The following SOS1 variants were observed in gnomAD, a reference collection of about 807,000 sequenced individuals.
SOS1 encodes the protein son of sevenless homolog 1.
In SOS1, 25 loss-of-function variants were observed where a neutral mutation model predicts 157.6. The ratio of observed to expected loss-of-function variants is 0.16; its 90% CI spans 0.12 to 0.22. The LOEUF (loss-of-function observed/expected upper bound fraction) is 0.22. SOS1 is among the 10% of genes least tolerant of loss of function. The pLI is 1.00. For synonymous variants in SOS1, 528 were observed against 534.0 expected (o/e 0.99, Z 0.16); for missense variants, 1,237 against 1,599.1 (o/e 0.77, Z 3.86).
intron 8 of SOS1, among the ~76,000 whole-genome samples, chr2:39,034,231 AATGACT>A (rs1670265223): frequency 6.6e-6 from 1 of 152,218 alleles, no homozygotes; most frequent in Admixed American, 6.5e-5. Flanking sequence ...CTGAATTCCA[AATGACT>A]ACTATGCAGT....
chr2:39,099,403 TA>T (rs1175079637), intron 1 of SOS1, among the ~76,000 whole-genome samples: 1 of 152,138 alleles, frequency 6.6e-6, no homozygotes, highest in Admixed American at 6.5e-5. Flanking sequence ...GACAAATCCA[TA>T]AAGACAGAAA....
At chr2:39,038,287 A>G (rs11692687) in intron 6 of SOS1, among the ~76,000 whole-genome samples, 142,355 of 152,266 alleles carry the variant, frequency 0.93, 66,654 homozygotes, top group African/African-American at 0.97. Flanking sequence ...TGGCTTTGAA[A>G]AGTTCAAGAC....
intron 5 of SOS1, among the ~76,000 whole-genome samples, chr2:39,052,264 T>G (rs770344431): frequency 2.0e-5 from 3 of 151,726 alleles, no homozygotes; most frequent in Non-Finnish European, 4.4e-5. Context: ...AAATTAAAAT[T>G]GGTTACTATT....
intron 2 of SOS1, among the ~76,000 whole-genome samples, chr2:39,064,904 T>C (rs1366728546): frequency 6.6e-6 from 1 of 151,396 alleles, no homozygotes; most frequent in Non-Finnish European, 1.5e-5. Context: ...CCTGCCACCA[T>C]GCCCAGCTAA....
chr2:39,076,416 G>C (rs972860655), intron 1 of SOS1, among the ~76,000 whole-genome samples: 1 of 151,748 alleles, frequency 6.6e-6, no homozygotes, highest in East Asian at 1.9e-4. Context: ...AAAAAATAAG[G>C]GTAGCAAACC....
intron 17 of SOS1, among the ~76,000 whole-genome samples, chr2:39,002,880 C>G (rs901085508): frequency 3.9e-5 from 6 of 151,926 alleles, no homozygotes; most frequent in Non-Finnish European, 5.9e-5. Flanking sequence ...GCCTGGGCAA[C>G]CTGGTGAAAC....
At chr2:39,014,472 T>TA (rs1179004459) in intron 11 of SOS1, among the ~76,000 whole-genome samples, 1 of 152,124 alleles carries the variant, frequency 6.6e-6, no homozygotes, top group Non-Finnish European at 1.5e-5. Context: ...TTAGAACATC[T>TA]AACTCATCAG....
intron 5 of SOS1, among the ~76,000 whole-genome samples, chr2:39,053,036 C>A (rs1171193290): frequency 6.6e-6 from 1 of 152,218 alleles, no homozygotes; most frequent in East Asian, 1.9e-4. Context: ...ACCTGTAATC[C>A]CAGCTACACG....
Position 39,024,057 on chromosome 2 carries a change from A to G in SOS1, c.1155T>C (p.Ser385=), listed in dbSNP as rs771128004. 1 of 1,601,096 alleles carries G rather than the reference A, an allele frequency of 6.2e-7. No individual in the cohort carries two copies. The highest frequency in any genetic ancestry group is 1.1e-5 in the South Asian group (1 of 90,828). ...TTTTAGAACATATTTTTTCCATACC[A>G]CTCTGAACATTAAGCAAAGCTGTTA... is the stretch of plus-strand genomic sequence containing the variant. The part of the protein sequence containing the change: ...QAITALLNVQ[S]GMEKICSKSL... The change falls in exon 9 of 23, where the codon AGT becomes AGC. Residue 385 remains serine (S), a synonymous_variant. Coordinates refer to ENST00000402219, the MANE Select transcript of SOS1 (RefSeq NM_005633.4).
At chr2:39,040,297 A>G (rs555592352) in intron 6 of SOS1, among the ~76,000 whole-genome samples, 33 of 152,220 alleles carry the variant, frequency 2.2e-4, no homozygotes, top group Middle Eastern at 3.4e-3. Context: ...GATTACAGGC[A>G]TGAGCCACTG....
At chr2:39,015,708 A>T (rs571162045) in intron 10 of SOS1, among the ~76,000 whole-genome samples, 2 of 152,060 alleles carry the variant, frequency 1.3e-5, no homozygotes, top group East Asian at 3.9e-4. Context: ...TGTCTTCTGC[A>T]TAAAGAGGGG....
chr2:39,097,329 C>A (rs1475822499), intron 1 of SOS1, among the ~76,000 whole-genome samples: 1 of 152,044 alleles, frequency 6.6e-6, no homozygotes, highest in Non-Finnish European at 1.5e-5. Flanking sequence ...CAGCATATAG[C>A]TAATTCTTTA....
chr2:39,021,420 C>A (rs970745979), intron 10 of SOS1, among the ~76,000 whole-genome samples: 2 of 148,352 alleles, frequency 1.3e-5, no homozygotes, highest in African/African-American at 2.5e-5. Flanking sequence ...TCAAGTCTTA[C>A]AGAAACAATT....
chr2:39,069,190 C>CAAAAAAAAAAAAA lies in SOS1; in HGVS notation c.88-1450_88-1438dup, dbSNP rs869178369. On this transcript the variant is annotated intron_variant, in intron 1 of 22. Coordinates refer to ENST00000402219, the MANE Select transcript of SOS1 (RefSeq NM_005633.4). ...GGGAAAACCTGTCTCTACCAAAAAG[C>CAAAAAAAAAAAAA]AAAAAAAAAAAAAAAAAAAAAAAAA... Among the ~76,000 whole-genome samples, 9 of 46,762 alleles carry CAAAAAAAAAAAAA rather than the reference C, an allele frequency of 1.9e-4. 1 individual carries two copies. Among genetic ancestry groups the CAAAAAAAAAAAAA allele is most frequent in the Admixed American group, 4.3e-4 (1 of 2,312 alleles). The allele number at this position is 46,762 out of a possible 152,430, so 30.7% of individuals were successfully genotyped here.
At chr2:39,002,444 C>G (rs973625578) in intron 17 of SOS1, among the ~76,000 whole-genome samples, 1 of 152,070 alleles carries the variant, frequency 6.6e-6, no homozygotes, top group East Asian at 1.9e-4. Flanking sequence ...GGAGCAGGGG[C>G]CAAATAGTGA....
intron 1 of SOS1, among the ~76,000 whole-genome samples, chr2:39,071,057 C>T (rs954202299): frequency 7.2e-5 from 11 of 151,834 alleles, no homozygotes; most frequent in African/African-American, 2.4e-4. Flanking sequence ...TAGTAGAGAC[C>T]GGGTTTTACC....
chr2:39,009,124 T>C (rs1464402653), intron 15 of SOS1, among the ~76,000 whole-genome samples: 1 of 151,844 alleles, frequency 6.6e-6, no homozygotes, highest in South Asian at 2.1e-4. Context: ...TTGATGACAA[T>C]GTGCATCGAA....
At chr2:38,986,970 G>GA (rs906507334) in intron 22 of SOS1, among the ~76,000 whole-genome samples, 4 of 148,746 alleles carry the variant, frequency 2.7e-5, no homozygotes, top group East Asian at 3.9e-4. Flanking sequence ...TGGCCAAAAA[G>GA]AAAAAAACAA....
At chr2:38,986,880 A>G (rs888879051) in intron 22 of SOS1, among the ~76,000 whole-genome samples, 1 of 152,210 alleles carries the variant, frequency 6.6e-6, no homozygotes, top group Non-Finnish European at 1.5e-5. Flanking sequence ...ATGAAGTTCT[A>G]CAAAGAGTGT....
Sources: allele counts gnomAD v4.1 joint callset (sites outside exome capture counted in the v4.1 genomes callset), GRCh38; gene constraint gnomAD v4.1.1; transcripts MANE v1.5; gene names NCBI Gene and HGNC (gene_info 2026-07-23, HGNC 2026-07-21).